The following TNS3 variants were observed in gnomAD, a reference collection of about 807,000 sequenced individuals.
TNS3 encodes tensin-3.
TNS3 carries 45 observed loss-of-function variants against 140.9 expected under a neutral mutation model. That is an observed-to-expected ratio of 0.32 (90% CI 0.25 to 0.41). The LOEUF (loss-of-function observed/expected upper bound fraction) is 0.41, where lower values mean the gene tolerates loss of function less well. Among genes scored for constraint, TNS3 ranks in the 10% least tolerant of loss-of-function variants. TNS3 has a pLI of 1.00. For missense variants in TNS3, 1,716 were observed against 1,906.7 expected (o/e 0.90, Z 1.86); for synonymous variants, 815 against 788.4 (o/e 1.03, Z -0.56).
At chr7:47,496,668 G>A (rs941231801) in intron 3 of TNS3, among the ~76,000 whole-genome samples, 25 of 152,210 alleles carry the variant, frequency 1.6e-4, no homozygotes, top group African/African-American at 4.8e-4. Context: ...AGTACAGAAC[G>A]CCAGGCACAG....
At chr7:47,286,556 A>T (rs1168281668) in intron 27 of TNS3, among the ~76,000 whole-genome samples, 1 of 152,094 alleles carries the variant, frequency 6.6e-6, no homozygotes, top group Non-Finnish European at 1.5e-5. Flanking sequence ...AGTTACCAGG[A>T]AGGCACCCAC....
chr7:47,502,862 C>T (rs1036946185), intron 3 of TNS3, among the ~76,000 whole-genome samples: 15 of 152,180 alleles, frequency 9.9e-5, no homozygotes, highest in African/African-American at 3.6e-4. Flanking sequence ...CACCAGCACT[C>T]CTGTATTTTA....
At position 47,464,569 on chromosome 7, in the gene TNS3, A is replaced by G. The variant is rs566121946; in HGVS notation, c.-76+16534T>C. ...TTTGCATCAGAACCACCAGGAGGGCATATTAGGAGAGAGACTTAGGGACCC... is the reference window on the plus strand; with the variant it reads ...TTTGCATCAGAACCACCAGGAGGGCGTATTAGGAGAGAGACTTAGGGACCC... On this transcript the variant is annotated intron_variant, in intron 4 of 30. Transcript: ENST00000311160. Among the ~76,000 whole-genome samples the G allele has an allele frequency of 6.6e-5, 10 of 152,286 alleles. No homozygotes were observed. In the East Asian group the frequency reaches 9.6e-4, roughly 15 times the overall value.
chr7:47,398,597 A>C (rs1792968548), intron 15 of TNS3, among the ~76,000 whole-genome samples: 1 of 152,220 alleles, frequency 6.6e-6, no homozygotes, highest in Non-Finnish European at 1.5e-5. Context: ...GTAGATGTGA[A>C]AAAGGCATTC....
intron 3 of TNS3, among the ~76,000 whole-genome samples, chr7:47,484,192 A>T (rs1371645475): frequency 6.6e-6 from 1 of 152,132 alleles, no homozygotes; most frequent in African/African-American, 2.4e-5. Flanking sequence ...CTCAGGAAAG[A>T]CCTTTTGTGG....
chr7:47,375,112 G>A (rs1190476246), intron 16 of TNS3, among the ~76,000 whole-genome samples: 1 of 152,232 alleles, frequency 6.6e-6, no homozygotes, highest in African/African-American at 2.4e-5. Flanking sequence ...GCATGGGGAA[G>A]TCTGAATCAA....
chr7:47,311,809 AAAAAC>A (rs1442068683), intron 20 of TNS3, among the ~76,000 whole-genome samples: 1 of 152,230 alleles, frequency 6.6e-6, no homozygotes, highest in Admixed American at 6.5e-5. Flanking sequence ...CCACAAGTTA[AAAAAC>A]AAAACAAACA....
chr7:47,432,034 T>G (rs976898361), intron 8 of TNS3, among the ~76,000 whole-genome samples: 2 of 151,992 alleles, frequency 1.3e-5, no homozygotes, highest in Non-Finnish European at 2.9e-5. Flanking sequence ...ATATAAACTC[T>G]CCCACAAAGA....
chr7:47,372,047 G>C (rs1392837565), intron 16 of TNS3, among the ~76,000 whole-genome samples: 2 of 152,228 alleles, frequency 1.3e-5, no homozygotes, highest in Non-Finnish European at 2.9e-5. Flanking sequence ...CCTGTTACCA[G>C]GAAAATTTAA....
intron 20 of TNS3, among the ~76,000 whole-genome samples, chr7:47,337,032 T>C (rs1788672720): frequency 1.3e-5 from 2 of 152,060 alleles, no homozygotes; most frequent in Non-Finnish European, 2.9e-5. Flanking sequence ...TAATCCCCCT[T>C]GACACGTCAT....
At chr7:47,471,774 G>C (rs191792173) in intron 4 of TNS3, among the ~76,000 whole-genome samples, 1 of 152,190 alleles carries the variant, frequency 6.6e-6, no homozygotes, top group African/African-American at 2.4e-5. Context: ...CCAGCTCCTC[G>C]CGGCCCATGT....
chr7:47,333,046 T>C (rs1017949068), intron 20 of TNS3, among the ~76,000 whole-genome samples: 4 of 152,008 alleles, frequency 2.6e-5, no homozygotes, highest in Admixed American at 2.0e-4. Flanking sequence ...CAGGCTGACA[T>C]GGGGACACTT....
chr7:47,276,591 G>A lies in TNS3; in HGVS notation c.*1485C>T, dbSNP rs1404801111. On this transcript the variant is annotated 3_prime_UTR_variant, in exon 31 of 31. Transcript: ENST00000311160. ...CTAGGCTGTGAGAGGATGGGGCCAAGGCCTTATTCTGATGTGGCCCAGCTC... is the reference window on the plus strand; with the variant it reads ...CTAGGCTGTGAGAGGATGGGGCCAAAGCCTTATTCTGATGTGGCCCAGCTC... 2 of 152,200 alleles carry A rather than the reference G, an allele frequency of 1.3e-5. No individual in the cohort carries two copies. The highest frequency in any genetic ancestry group is 2.9e-5 in the Non-Finnish European group (2 of 68,066). The allele number at this position is 152,200 out of a possible 1,614,324, so 9.4% of individuals were successfully genotyped here. A position where few individuals can be genotyped will look rare whatever the true frequency, so the allele number is the denominator to read the frequency against.
chr7:47,508,832 A>G (rs1798508756), intron 2 of TNS3, among the ~76,000 whole-genome samples: 1 of 152,182 alleles, frequency 6.6e-6, no homozygotes, highest in Non-Finnish European at 1.5e-5. Flanking sequence ...AGGACACTCA[A>G]GCAGCCCTGT....
chr7:47,333,915 C>G (rs1247926023), intron 20 of TNS3, among the ~76,000 whole-genome samples: 7 of 152,258 alleles, frequency 4.6e-5, no homozygotes, highest in Admixed American at 6.5e-5. Flanking sequence ...CCCCCAATAC[C>G]ATGCATGGCA....
intron 1 of TNS3, among the ~76,000 whole-genome samples, chr7:47,568,599 AT>A (rs1183950463): frequency 6.6e-6 from 1 of 152,224 alleles, no homozygotes; most frequent in Non-Finnish European, 1.5e-5. Context: ...ACAGTCAATA[AT>A]TCATGCCAGT....
chr7:47,404,120 A>G (rs1457851393), intron 13 of TNS3, among the ~76,000 whole-genome samples: 3 of 152,228 alleles, frequency 2.0e-5, no homozygotes, highest in African/African-American at 7.2e-5. Context: ...GTGCAGTCAC[A>G]ATTTTGTAGC....
At position 47,536,128 on chromosome 7, in the gene TNS3, A is replaced by T. The variant is rs148343921; in HGVS notation, c.-264-6981T>A. On this transcript the variant is annotated intron_variant, in intron 1 of 30. Transcript: ENST00000311160. ...GAGGGACACCCTCCACATCCAACAC[A>T]TATTGTTCCCACACTTCCAGGCAGC... Among the ~76,000 whole-genome samples, 48 of 152,360 alleles carry T rather than the reference A, an allele frequency of 3.2e-4. 3 individuals are homozygous for T. Among genetic ancestry groups the T allele is most frequent in the African/African-American group, 1.1e-3 (44 of 41,584 alleles).
chr7:47,313,112 G>C (rs554474810), intron 20 of TNS3, among the ~76,000 whole-genome samples: 1 of 152,172 alleles, frequency 6.6e-6, no homozygotes. Context: ...AGGGAGACTT[G>C]CTTCATCTGG....
Sources: allele counts gnomAD v4.1 joint callset (sites outside exome capture counted in the v4.1 genomes callset), GRCh38; gene constraint gnomAD v4.1.1; transcripts MANE v1.5; gene names NCBI Gene and HGNC (gene_info 2026-07-23, HGNC 2026-07-21).